TMEM68: variants seen among roughly 807,000 people sequenced by gnomAD.
TMEM68 encodes transmembrane protein 68.
A neutral mutation model predicts 36.9 loss-of-function variants in TMEM68; 25 were observed. That is an observed-to-expected ratio of 0.68 (90% CI 0.49 to 0.95). The LOEUF (loss-of-function observed/expected upper bound fraction) is 0.95, where lower values mean the gene tolerates loss of function less well. TMEM68 is among the 40% of genes least tolerant of loss of function. The pLI is 0.00. For missense variants in TMEM68, 333 were observed against 392.0 expected (o/e 0.85, Z 1.27); for synonymous variants, 131 against 124.4 (o/e 1.05, Z -0.35).
At position 55,743,621 on chromosome 8, in the gene TMEM68, C is replaced by G; in HGVS notation, c.749-1G>C. 6.5e-7 allele frequency: 1 copy of G among 1,533,732 alleles called. No homozygotes were observed. Among genetic ancestry groups the G allele is most frequent in the Non-Finnish European group, 8.7e-7 (1 of 1,145,944 alleles). On this transcript the variant is annotated splice_acceptor_variant, in intron 6 of 7. Transcript: ENST00000434581. LOFTEE classifies it high-confidence loss of function. ...TTTTCATAAAGCCACCTAAATAACC[C>G]TGTTTTAGAGTAAATACAATCATTT...
intron 3 of TMEM68, among the ~76,000 whole-genome samples, chr8:55,760,422 A>G (rs948682162): frequency 6.6e-6 from 1 of 152,228 alleles, no homozygotes; most frequent in Middle Eastern, 3.2e-3. Context: ...TCAAAGAAAA[A>G]GCGTGAAAAA....
chr8:55,758,208 T>C (rs1585724067), intron 3 of TMEM68, among the ~76,000 whole-genome samples: 1 of 152,172 alleles, frequency 6.6e-6, no homozygotes, highest in Admixed American at 6.5e-5. Flanking sequence ...GAGTCTGAAG[T>C]CTGTGCTGAA....
intron 5 of TMEM68, 176 bp from the exon 6 acceptor site, chr8:55,745,297 C>T (rs1810238013): frequency 2.7e-6 from 1 of 366,848 alleles, no homozygotes; most frequent in South Asian, 7.7e-5. Flanking sequence ...GGTCGGGTCT[C>T]GTTAGTATTG....
At chr8:55,752,565 G>A (rs185306044) in intron 4 of TMEM68, among the ~76,000 whole-genome samples, 1 of 152,168 alleles carries the variant, frequency 6.6e-6, no homozygotes, top group East Asian at 1.9e-4. Context: ...TCCAACCTGG[G>A]CAACAGAGCA....
At chr8:55,747,987 A>G (rs1810333071) in intron 5 of TMEM68, 1 of 152,082 alleles carries the variant, frequency 6.6e-6, no homozygotes, top group African/African-American at 2.4e-5. Flanking sequence ...TCATTCCTTA[A>G]ATAGCTACCT....
At chr8:55,767,634 T>C (rs867078463) in intron 1 of TMEM68, among the ~76,000 whole-genome samples, 2 of 151,972 alleles carry the variant, frequency 1.3e-5, no homozygotes, top group Non-Finnish European at 2.9e-5. Flanking sequence ...AGGGAACGAA[T>C]ATAGAGTAAA....
intron 1 of TMEM68, among the ~76,000 whole-genome samples, chr8:55,769,260 T>G (rs1811076094): frequency 8.2e-6 from 1 of 122,612 alleles, no homozygotes. Context: ...GAGGCAGAGG[T>G]TATATAAGCC....
intron 1 of TMEM68, among the ~76,000 whole-genome samples, chr8:55,770,259 CTT>C (rs1811112540): frequency 6.6e-6 from 1 of 152,198 alleles, no homozygotes; most frequent in African/African-American, 2.4e-5. Flanking sequence ...CTTTTTCTCT[CTT>C]GACAGAAAGA....
intron 4 of TMEM68, among the ~76,000 whole-genome samples, chr8:55,754,067 G>A (rs1294706624): frequency 2.0e-5 from 3 of 152,006 alleles, no homozygotes; most frequent in African/African-American, 7.2e-5. Context: ...ACTCCAGCCT[G>A]GACAACAAGA....
intron 3 of TMEM68, among the ~76,000 whole-genome samples, chr8:55,756,993 A>C (rs1810627036): frequency 6.6e-6 from 1 of 152,122 alleles, no homozygotes; most frequent in South Asian, 2.1e-4. Flanking sequence ...GGAAGGCAGC[A>C]ATGATGGGAG....
intron 4 of TMEM68, among the ~76,000 whole-genome samples, chr8:55,755,950 A>G (rs1024795800): frequency 1.3e-5 from 2 of 151,886 alleles, no homozygotes; most frequent in African/African-American, 4.8e-5. Context: ...ATTATTTTTT[A>G]AAAACATTAT....
intron 1 of TMEM68, among the ~76,000 whole-genome samples, chr8:55,768,075 G>A (rs1811030043): frequency 6.6e-6 from 1 of 151,922 alleles, no homozygotes; most frequent in African/African-American, 2.4e-5. Flanking sequence ...GGCATATTCT[G>A]CTGTTTTAAA....
intron 6 of TMEM68, 32 bp downstream of exon 6, chr8:55,745,029 T>C (rs1810228903): frequency 3.7e-6 from 5 of 1,363,754 alleles, no homozygotes; most frequent in Non-Finnish European, 4.8e-6. Context: ...AAAATTACAT[T>C]GTAATTTAAA....
chr8:55,755,158 T>C (rs1305027432), intron 4 of TMEM68, among the ~76,000 whole-genome samples: 1 of 151,294 alleles, frequency 6.6e-6, no homozygotes, highest in African/African-American at 2.4e-5. Context: ...ATATAAATAA[T>C]GTAGTACTCA....
Position 55,743,917 on chromosome 8 carries a change from A to T in TMEM68, c.749-297T>A, listed in dbSNP as rs537311908. On this transcript the variant is annotated intron_variant, in intron 6 of 7. Coordinates refer to ENST00000434581, the MANE Select transcript of TMEM68 (RefSeq NM_001286657.2). Reference sequence around the variant, plus strand: ...CAAAAAAGTTTATTAATTATTTTTTAAAATGAGCTTTTAAAGTACAGGAAT... The same window carrying T: ...CAAAAAAGTTTATTAATTATTTTTTTAAATGAGCTTTTAAAGTACAGGAAT... 7.9e-5 allele frequency among the ~76,000 whole-genome samples: 12 copies of T among 152,260 alleles called. No homozygotes were observed. In the East Asian group the frequency reaches 2.3e-3, roughly 29 times the overall value.
chr8:55,763,720 C>CTTTTTATCTT (rs1563438071), intron 2 of TMEM68: 1 of 12,390 alleles, frequency 8.1e-5, no homozygotes, highest in Non-Finnish European at 2.1e-4. Flanking sequence ...AAGAAAACAT[C>CTTTTTATCTT]AATATCTACC....
intron 6 of TMEM68, among the ~76,000 whole-genome samples, chr8:55,744,369 G>A (rs1199602222): frequency 6.8e-6 from 1 of 147,886 alleles, no homozygotes; most frequent in African/African-American, 2.5e-5. Flanking sequence ...GCAGTGGCAC[G>A]ATCTCGGCTC....
intron 2 of TMEM68, chr8:55,763,339 T>C (rs936596361): frequency 1.3e-5 from 2 of 157,234 alleles, no homozygotes; most frequent in East Asian, 1.9e-4. Flanking sequence ...ACTCACATCT[T>C]AATTGGATCA....
At position 55,763,040 on chromosome 8, in the gene TMEM68, A is replaced by G; in HGVS notation, c.-69-12T>C. ...CGCTAATTTTGACACTAGAAGGGAA[A>G]AATAATCCAGTATTATTTTCTCCAC... On this transcript the variant is annotated splice_polypyrimidine_tract_variant and intron_variant, in intron 2 of 7. Coordinates refer to ENST00000434581, the MANE Select transcript of TMEM68 (RefSeq NM_001286657.2). The G allele has an allele frequency of 7.1e-7, 1 of 1,413,796 alleles. No individual in the cohort carries two copies. Among genetic ancestry groups the G allele is most frequent in the Non-Finnish European group, 9.4e-7 (1 of 1,059,572 alleles). The allele number at this position is 1,413,796 out of a possible 1,614,324, so 87.6% of individuals were successfully genotyped here.
Sources: allele counts gnomAD v4.1 joint callset (sites outside exome capture counted in the v4.1 genomes callset), GRCh38; gene constraint gnomAD v4.1.1; transcripts MANE v1.5; gene names NCBI Gene and HGNC (gene_info 2026-07-23, HGNC 2026-07-21).